TMEM114: variants seen among roughly 807,000 people sequenced by gnomAD.
The protein encoded by TMEM114 is transmembrane protein 114.
A neutral mutation model predicts 6.2 loss-of-function variants in TMEM114; 6 were observed. The observed-to-expected ratio is 0.97, with a 90% CI of 0.53 to 1.91. The LOEUF (loss-of-function observed/expected upper bound fraction) is 1.91, where lower values mean the gene tolerates loss of function less well. TMEM114 is among the 40% of genes most tolerant of loss of function. TMEM114 has a pLI of 0.01. For synonymous variants in TMEM114, 104 were observed against 73.0 expected, an observed-to-expected ratio of 1.42 and a Z score of -2.16; for missense variants, 218 against 158.3, an observed-to-expected ratio of 1.38 and a Z score of -2.02.
chr16:8,569,310 G>C (rs982740495), downstream of TMEM114, among the ~76,000 whole-genome samples: 4 of 152,166 alleles, frequency 2.6e-5, no homozygotes, highest in Admixed American at 2.6e-4. Context: ...TGTCATGCCA[G>C]AGTTATTTTA....
intron 2 of TMEM114, among the ~76,000 whole-genome samples, chr16:8,585,839 C>A (rs1394566018): frequency 6.6e-6 from 1 of 152,144 alleles, no homozygotes; most frequent in Non-Finnish European, 1.5e-5. Flanking sequence ...TGACAATTAT[C>A]CTCATTTTGC....
At position 8,555,535 on chromosome 16, in the gene TMEM114, A is replaced by G. The variant is rs951215286; in HGVS notation, n.213-17709T>C. On this transcript the variant is annotated intron_variant and non_coding_transcript_variant, in intron 2 of 2. Coordinates refer to the TMEM114 transcript ENST00000623677. ...GTAATTTCTGGGTGTTGTCATGGCA[A>G]TGGTAAACTGTCATGGCGCTGGTAG... is the stretch of plus-strand genomic sequence containing the variant. 3.3e-5 allele frequency among the ~76,000 whole-genome samples: 5 copies of G among 152,152 alleles called. No homozygotes were observed. In the South Asian group the frequency reaches 6.2e-4, roughly 19 times the overall value.
intron 2 of TMEM114, among the ~76,000 whole-genome samples, chr16:8,563,327 G>T: frequency 6.6e-6 from 1 of 151,048 alleles, no homozygotes; most frequent in South Asian, 2.1e-4. Context: ...GGGAGGGTAT[G>T]AGTGAGTGAA....
chr16:8,551,051 C>T (rs1290271453), intron 2 of TMEM114, among the ~76,000 whole-genome samples: 1 of 152,226 alleles, frequency 6.6e-6, no homozygotes, highest in African/African-American at 2.4e-5. Flanking sequence ...TCCCGCCATC[C>T]TGTTCGCTCA....
the TMEM114 span, chr16:8,532,079 G>A: frequency 3.3e-5 from 5 of 152,204 alleles, no homozygotes; most frequent in African/African-American, 1.2e-4. Flanking sequence ...ACCTGGCTCA[G>A]GTGCCCCTAG....
intron 2 of TMEM114, among the ~76,000 whole-genome samples, chr16:8,547,045 C>T (rs986796944): frequency 6.6e-6 from 1 of 152,164 alleles, no homozygotes; most frequent in African/African-American, 2.4e-5. Context: ...GAATGTTTAT[C>T]CAGTCTGCAT....
chr16:8,576,363 G>A (rs1901930252), intron 2 of TMEM114, among the ~76,000 whole-genome samples: 1 of 152,144 alleles, frequency 6.6e-6, no homozygotes, highest in Non-Finnish European at 1.5e-5. Context: ...GTCCTTCCTG[G>A]CAACCTCTTG....
chr16:8,584,188 A>G (rs1902243451), intron 2 of TMEM114, among the ~76,000 whole-genome samples: 1 of 152,244 alleles, frequency 6.6e-6, no homozygotes, highest in Non-Finnish European at 1.5e-5. Flanking sequence ...TTAACAGTGG[A>G]TTCCAGCAGA....
chr16:8,535,784 G>A (rs1297217861), downstream of TMEM114, among the ~76,000 whole-genome samples: 1 of 152,202 alleles, frequency 6.6e-6, no homozygotes, highest in South Asian at 2.1e-4. Flanking sequence ...AGGGAGCCCT[G>A]CCATGTTTCA....
chr16:8,530,858 C>G, the TMEM114 span, among the ~76,000 whole-genome samples: 1 of 151,970 alleles, frequency 6.6e-6, no homozygotes, highest in Admixed American at 6.6e-5. Flanking sequence ...ACCCCCACAT[C>G]TACTAAAAAT....
chr16:8,534,740 G>A (rs956781857), downstream of TMEM114, among the ~76,000 whole-genome samples: 2 of 152,146 alleles, frequency 1.3e-5, no homozygotes, highest in South Asian at 4.1e-4. Context: ...AATGTACTTG[G>A]CACATGGTCA....
chr16:8,575,901 G>A (rs1168629234), intron 2 of TMEM114, among the ~76,000 whole-genome samples: 1 of 152,142 alleles, frequency 6.6e-6, no homozygotes, highest in African/African-American at 2.4e-5. Flanking sequence ...GATCTCTCAG[G>A]CCGGGAGACC....
Position 8,575,415 on chromosome 16 carries a change from C to T in TMEM114, c.302-3191G>A, listed in dbSNP as rs9924022. On this transcript the variant is annotated intron_variant, in intron 2 of 3. Coordinates refer to ENST00000620492, the MANE Select transcript of TMEM114 (RefSeq NM_001146336.2). ...CAGAGTACCCGTATGATTGACCATC[C>T]AAATCACACTTTTGAGAATCAAACA... Among the ~76,000 whole-genome samples the T allele has an allele frequency of 6.5e-3, 996 of 152,296 alleles. 12 individuals carry two copies. The highest frequency in any genetic ancestry group is 0.023 in the African/African-American group (945 of 41,544).
intron 2 of TMEM114, among the ~76,000 whole-genome samples, chr16:8,557,568 C>G (rs1308572599): frequency 6.6e-6 from 1 of 152,182 alleles, no homozygotes; most frequent in African/African-American, 2.4e-5. Context: ...GTTTTGGCCA[C>G]TACATCTTGG....
At chr16:8,548,152 A>G (rs1900730372) in intron 2 of TMEM114, among the ~76,000 whole-genome samples, 3 of 152,166 alleles carry the variant, frequency 2.0e-5, no homozygotes, top group Admixed American at 6.5e-5. Context: ...GTTTGAATCT[A>G]AGCTCCCGCC....
chr16:8,557,833 T>C (rs552617114), intron 2 of TMEM114, among the ~76,000 whole-genome samples: 1 of 152,320 alleles, frequency 6.6e-6, no homozygotes, highest in South Asian at 2.1e-4. Context: ...AACACTTTGA[T>C]CTTTAAAATA....
intron 2 of TMEM114, among the ~76,000 whole-genome samples, chr16:8,559,989 T>A (rs9302869): frequency 2.6e-5 from 4 of 152,090 alleles, no homozygotes; most frequent in Non-Finnish European, 5.9e-5. Flanking sequence ...TTCTGGCTAA[T>A]GATCTTGTTG....
At position 8,589,610 on chromosome 16, in the gene TMEM114, C is replaced by T. The variant is rs1293465951; in HGVS notation, c.220+9G>A. Reference sequence around the variant, plus strand: ...AGCCACAGCTCCCAGCCACGGGGTGCACCCTTACCCCGGCAGGTCCGCCAG... The same window carrying T: ...AGCCACAGCTCCCAGCCACGGGGTGTACCCTTACCCCGGCAGGTCCGCCAG... On this transcript the variant is annotated intron_variant, in intron 1 of 3. Coordinates refer to ENST00000620492, the MANE Select transcript of TMEM114 (RefSeq NM_001146336.2). 1.5e-5 allele frequency: 6 copies of T among 398,370 alleles called. No homozygotes were observed. The highest frequency in any genetic ancestry group is 4.4e-5 in the Admixed American group (1 of 22,718). 24.7% of individuals were successfully genotyped at this position (398,370 alleles called of 1,614,324 possible). A position where few individuals can be genotyped will look rare whatever the true frequency, so the allele number is the denominator to read the frequency against.
chr16:8,558,810 G>A (rs1339482604), intron 2 of TMEM114, among the ~76,000 whole-genome samples: 2 of 151,350 alleles, frequency 1.3e-5, no homozygotes, highest in Admixed American at 1.3e-4. Flanking sequence ...GCATGATCTC[G>A]GCTCACTGCA....
Sources: allele counts gnomAD v4.1 joint callset (sites outside exome capture counted in the v4.1 genomes callset), GRCh38; gene constraint gnomAD v4.1.1; transcripts MANE v1.5; gene names NCBI Gene and HGNC (gene_info 2026-07-23, HGNC 2026-07-21).